IGSF5: variants seen among roughly 807,000 people sequenced by gnomAD.
The protein encoded by IGSF5 is immunoglobulin superfamily 5 like.
A neutral mutation model predicts 39.4 loss-of-function variants in IGSF5; 41 were observed. The ratio of observed to expected loss-of-function variants is 1.04; its 90% CI spans 0.81 to 1.35. The LOEUF (loss-of-function observed/expected upper bound fraction) is 1.35. IGSF5 is among the 40% of genes most tolerant of loss of function. The probability of loss-of-function intolerance (pLI) is 0.00; values close to 1 mark genes in which losing one functional copy is unlikely to be tolerated. For synonymous variants in IGSF5, 183 were observed against 175.3 expected (o/e 1.04, Z -0.34); for missense variants, 487 against 494.6 (o/e 0.98, Z 0.15).
chr21:39,746,701 T>A (rs926750263), intron 2 of IGSF5, among the ~76,000 whole-genome samples: 35 of 151,968 alleles, frequency 2.3e-4, no homozygotes, highest in African/African-American at 8.2e-4. Flanking sequence ...CTCACGGGAC[T>A]CCTGATGCTT....
chr21:39,798,258 C>T (rs1248549851), intron 8 of IGSF5, among the ~76,000 whole-genome samples: 3 of 152,176 alleles, frequency 2.0e-5, no homozygotes, highest in Non-Finnish European at 4.4e-5. Flanking sequence ...GGTCCCCAAG[C>T]ACCAATCTGC....
chr21:39,711,856 G>A, the IGSF5 span, among the ~76,000 whole-genome samples: 9 of 152,172 alleles, frequency 5.9e-5, no homozygotes, highest in East Asian at 1.5e-3. Flanking sequence ...TTAATGATTA[G>A]GGCCAATTAA....
rs2080082086 is a variant in IGSF5, at chr21:39,765,515, A to G, written c.101-20A>G. ...GGAGATCCATTCATTTAACAACTTG[A>G]AAAATTGGCTACCTTCCAGGTTCTG... On this transcript the variant is annotated intron_variant, in intron 2 of 8. Transcript: ENST00000380588. 1.2e-6 allele frequency: 2 copies of G among 1,602,956 alleles called. No homozygotes were observed. The highest frequency in any genetic ancestry group is 2.2e-5 in the East Asian group (1 of 44,456).
At chr21:39,756,981 T>G (rs563193827) in intron 2 of IGSF5, among the ~76,000 whole-genome samples, 2 of 152,064 alleles carry the variant, frequency 1.3e-5, no homozygotes, top group East Asian at 3.9e-4. Context: ...CCTCACTCCT[T>G]CCACCCACCC....
At chr21:39,755,719 G>A (rs879354425) in intron 2 of IGSF5, among the ~76,000 whole-genome samples, 1 of 152,218 alleles carries the variant, frequency 6.6e-6, no homozygotes, top group Non-Finnish European at 1.5e-5. Context: ...TGAGGCATAT[G>A]TGTAGGGATT....
At chr21:39,715,892 T>G in the IGSF5 span, among the ~76,000 whole-genome samples, 213 of 150,616 alleles carry the variant, frequency 1.4e-3, 2 homozygotes, top group Non-Finnish European at 4.1e-4. Flanking sequence ...TGGGTGTGTG[T>G]GGGGGGGTGG....
At chr21:39,767,582 T>C (rs73217275) in intron 3 of IGSF5, among the ~76,000 whole-genome samples, 173 of 152,348 alleles carry the variant, frequency 1.1e-3, no homozygotes, top group Non-Finnish European at 2.1e-3. Flanking sequence ...TAGCAATCAC[T>C]GTATGGCCAT....
rs778307567 is a variant in IGSF5 at position 39,792,076 on chromosome 21, A to T, written c.1025A>T (p.Asn342Ile). 11 of 1,610,256 alleles carry T rather than the reference A, an allele frequency of 6.8e-6. No homozygotes were observed. The highest frequency in any genetic ancestry group is 1.7e-5 in the Admixed American group (1 of 59,682). Residue 342 changes from asparagine to isoleucine, a missense_variant, in exon 7 of 9, where the codon AAT becomes ATT. Transcript: ENST00000380588. ...AGTGGAAATGAAAACTCCGGCTACA[A>T]TTCAGATGAACAAAAGACCACAGGT... ...TESGNENSGY[N>I]SDEQKTTDTA...
chr21:39,799,995 G>A lies in IGSF5; in HGVS notation c.1129-1267G>A, dbSNP rs926545015. ...CAGTTAGAATATGTAGTACTGACATGGTTTTCTAGACAAGAGTTTCCCTGT... is the reference window on the plus strand; with the variant it reads ...CAGTTAGAATATGTAGTACTGACATAGTTTTCTAGACAAGAGTTTCCCTGT... On this transcript the variant is annotated intron_variant, in intron 8 of 8. Coordinates refer to ENST00000380588, the MANE Select transcript of IGSF5 (RefSeq NM_001080444.2). 3.9e-5 allele frequency among the ~76,000 whole-genome samples: 6 copies of A among 152,216 alleles called. No individual in the cohort carries two copies. The East Asian group carries it at 9.7e-4, about 25-fold the overall frequency.
At chr21:39,788,615 A>G (rs2086939837) in intron 6 of IGSF5, among the ~76,000 whole-genome samples, 1 of 152,218 alleles carries the variant, frequency 6.6e-6, no homozygotes, top group African/African-American at 2.4e-5. Context: ...GTCACGTGAA[A>G]CTGTCCAGGC....
At chr21:39,764,099 C>T (rs561844303) in intron 2 of IGSF5, among the ~76,000 whole-genome samples, 14 of 152,212 alleles carry the variant, frequency 9.2e-5, no homozygotes, top group South Asian at 8.3e-4. Flanking sequence ...CTGCCTCTCC[C>T]GGGACCTAAA....
the IGSF5 span, chr21:39,730,101 C>A: frequency 6.6e-6 from 1 of 152,220 alleles, no homozygotes; most frequent in Non-Finnish European, 1.5e-5. Flanking sequence ...AGGGTCATGG[C>A]CCCTCTGAAA....
In IGSF5 at chr21:39,745,218, TG is replaced by T. The variant is rs1457886748; in HGVS notation, c.-288del. ...GTCTCTCTCTTAGCCATTACAAACT[TG>T]GGGCCCTGGCAAGGGTGGTGGGGAA... On this transcript the variant is annotated 5_prime_UTR_variant, in exon 1 of 9. Transcript: ENST00000380588. Among the ~76,000 whole-genome samples, 1 of 151,788 alleles carries T rather than the reference TG, an allele frequency of 6.6e-6. No homozygotes were observed. Among genetic ancestry groups the T allele is most frequent in the Non-Finnish European group, 1.5e-5 (1 of 67,958 alleles).
At chr21:39,739,082 G>T in the IGSF5 span, among the ~76,000 whole-genome samples, 19 of 151,688 alleles carry the variant, frequency 1.3e-4, no homozygotes, top group African/African-American at 3.9e-4. Flanking sequence ...GGAGACTGCC[G>T]CCACGCCTGG....
At chr21:39,744,845 AC>A (rs1569245311), upstream of IGSF5, among the ~76,000 whole-genome samples, 1 of 152,222 alleles carries the variant, frequency 6.6e-6, no homozygotes, top group East Asian at 1.9e-4. Context: ...GCCGCTACCA[AC>A]TGAATGCATT....
intron 8 of IGSF5, among the ~76,000 whole-genome samples, chr21:39,798,287 C>G (rs903207718): frequency 6.6e-6 from 1 of 152,204 alleles, no homozygotes; most frequent in Non-Finnish European, 1.5e-5. Flanking sequence ...TAACTTCACC[C>G]TGCACGATGG....
intron 5 of IGSF5, among the ~76,000 whole-genome samples, chr21:39,781,618 C>A (rs2080171023): frequency 6.6e-6 from 1 of 152,140 alleles, no homozygotes; most frequent in Non-Finnish European, 1.5e-5. Flanking sequence ...CCCGTTTCCC[C>A]ACAGCCTGGC....
the IGSF5 span, chr21:39,729,196 C>T: frequency 6.6e-6 from 1 of 152,254 alleles, no homozygotes. Context: ...CTCCTGTCTA[C>T]TTGCTCTGCC....
chr21:39,714,337 C>T, the IGSF5 span, among the ~76,000 whole-genome samples: 16 of 152,356 alleles, frequency 1.1e-4, 1 homozygote, highest in African/African-American at 3.8e-4. Context: ...CTTGCATCTA[C>T]TGTTTCCCTT....
Sources: allele counts gnomAD v4.1 joint callset (sites outside exome capture counted in the v4.1 genomes callset), GRCh38; gene constraint gnomAD v4.1.1; transcripts MANE v1.5; gene names NCBI Gene and HGNC (gene_info 2026-07-23, HGNC 2026-07-21).